TTPAL: variants seen among roughly 807,000 people sequenced by gnomAD.
The protein encoded by TTPAL is alpha-tocopherol transfer protein-like.
In TTPAL, 21 loss-of-function variants were observed where a neutral mutation model predicts 28.7. The observed-to-expected ratio is 0.73, with a 90% CI of 0.52 to 1.06. The LOEUF is 1.06. Among genes scored for constraint, TTPAL ranks in the 50% least tolerant of loss-of-function variants. TTPAL has a pLI of 0.00. For missense variants in TTPAL, 345 were observed against 425.5 expected (o/e 0.81, Z 1.67); for synonymous variants, 169 against 171.9 (o/e 0.98, Z 0.13).
chr20:44,477,246 G>C (rs1340107267), intron 1 of TTPAL, among the ~76,000 whole-genome samples: 1 of 152,160 alleles, frequency 6.6e-6, no homozygotes, highest in Non-Finnish European at 1.5e-5. Flanking sequence ...GGCATCTCTT[G>C]GTTACTTCCA....
intron 4 of TTPAL, among the ~76,000 whole-genome samples, chr20:44,487,460 T>C (rs2064162751): frequency 1.3e-5 from 2 of 152,122 alleles, no homozygotes; most frequent in Non-Finnish European, 2.9e-5. Flanking sequence ...GTCTCTAAAA[T>C]AAATTTTTTT....
chr20:44,489,163 T>G lies in TTPAL; in HGVS notation c.751-100T>G, dbSNP rs2064179694. 4 of 1,342,958 alleles carry G rather than the reference T, an allele frequency of 3.0e-6. No individual in the cohort carries two copies. The South Asian group carries it at 4.4e-5, about 15-fold the overall frequency. 83.2% of individuals were successfully genotyped at this position (1,342,958 alleles called of 1,614,324 possible). On this transcript the variant is annotated intron_variant, in intron 4 of 4. Transcript: ENST00000262605. ...AGAGTTGCCATTAACATTTCCTTTC[T>G]TCATTCAACAGATATTTATTTGAGC...
chr20:44,486,931 A>AT (rs1401556883), intron 4 of TTPAL, among the ~76,000 whole-genome samples: 3 of 152,222 alleles, frequency 2.0e-5, no homozygotes, highest in African/African-American at 4.8e-5. Flanking sequence ...GATTTTTATC[A>AT]TAAGAGCCTC....
chr20:44,485,651 A>C (rs1181709792), intron 3 of TTPAL, among the ~76,000 whole-genome samples: 1 of 152,204 alleles, frequency 6.6e-6, no homozygotes, highest in Non-Finnish European at 1.5e-5. Context: ...TCTGGCTTTG[A>C]GCCAACCCTG....
chr20:44,486,707 G>GT lies in TTPAL; in HGVS notation c.750+2dup, dbSNP rs2122897171. ...TCTAAAGGAGAAAATAGCAAACAGA[G>GT]TAAGTGATGATCCTATTGACTTCAG... On this transcript the variant is annotated splice_donor_variant, in intron 4 of 4. Transcript: ENST00000262605. LOFTEE classifies it high-confidence loss of function. 6.5e-7 allele frequency: 1 copy of GT among 1,542,832 alleles called. No individual in the cohort carries two copies. Among genetic ancestry groups the GT allele is most frequent in the East Asian group, 2.3e-5 (1 of 44,434 alleles).
Position 44,480,224 on chromosome 20 carries a change from C to A in TTPAL, c.225C>A (p.Ser75=). The A allele has an allele frequency of 6.2e-7, 1 of 1,614,150 alleles. No homozygotes were observed. The highest frequency in any genetic ancestry group is 8.5e-7 in the Non-Finnish European group (1 of 1,180,014). ...VRKEYPNLST[S]LDDAFLLRFL... ...AGGAGTACCCCAACCTGAGCACATCCCTCGACGATGCCTTCCTGCTGCGCT... is the reference window on the plus strand; with the variant it reads ...AGGAGTACCCCAACCTGAGCACATCACTCGACGATGCCTTCCTGCTGCGCT... The change falls in exon 2 of 5, where the codon TCC becomes TCA. Residue 75 remains serine, a synonymous_variant. Coordinates refer to ENST00000262605, the MANE Select transcript of TTPAL (RefSeq NM_001039199.3). The surrounding 1 kb of genome is among the most constrained non-coding windows in gnomAD (Gnocchi z 4.1).
At chr20:44,485,104 ACT>A (rs1256906597) in intron 3 of TTPAL, among the ~76,000 whole-genome samples, 13 of 151,848 alleles carry the variant, frequency 8.6e-5, no homozygotes, top group East Asian at 1.9e-4. Context: ...GAACAGCAAA[ACT>A]CTGTCTCAGA....
rs776713803 is a variant in TTPAL, at chr20:44,480,048, C to G, written c.49C>G (p.Leu17Val). 6.2e-7 allele frequency: 1 copy of G among 1,614,154 alleles called. No individual in the cohort carries two copies. Among genetic ancestry groups the G allele is most frequent in the Non-Finnish European group, 8.5e-7 (1 of 1,180,002 alleles). The change falls in exon 2 of 5, where the codon CTC becomes GTC. Residue 17 changes from leucine (L) to valine (V), a missense_variant. Coordinates refer to ENST00000262605, the MANE Select transcript of TTPAL (RefSeq NM_001039199.3). The surrounding 1 kb of genome is among the most constrained non-coding windows in gnomAD (Gnocchi z 4.1). ...SLRTSPSVAS[L>V]SENELPPPPE... Reference sequence around the variant, plus strand: ...GAGAACCAGCCCTTCTGTGGCCTCACTCTCTGAAAATGAGCTGCCACCACC... The same window carrying G: ...GAGAACCAGCCCTTCTGTGGCCTCAGTCTCTGAAAATGAGCTGCCACCACC...
At chr20:44,483,343 G>A (rs1397417806) in intron 2 of TTPAL, among the ~76,000 whole-genome samples, 1 of 152,158 alleles carries the variant, frequency 6.6e-6, no homozygotes, top group East Asian at 1.9e-4. Flanking sequence ...CAGCTCTCTT[G>A]CCTCATGGGG....
chr20:44,484,817 A>G (rs1445709273), intron 3 of TTPAL, among the ~76,000 whole-genome samples: 1 of 152,218 alleles, frequency 6.6e-6, no homozygotes, highest in Non-Finnish European at 1.5e-5. Flanking sequence ...AAGAATTCTC[A>G]TAACAAACAA....
At chr20:44,489,152 C>T in intron 4 of TTPAL, 111 bp from the exon 5 acceptor site, 1 of 1,253,396 alleles carries the variant, frequency 8.0e-7, no homozygotes, top group Non-Finnish European at 1.1e-6. Flanking sequence ...TTGCCATTAA[C>T]ATTTCCTTTC....
chr20:44,478,256 C>T (rs2064064424), intron 1 of TTPAL, among the ~76,000 whole-genome samples: 1 of 152,250 alleles, frequency 6.6e-6, no homozygotes, highest in Non-Finnish European at 1.5e-5. Flanking sequence ...TCAGGAAGAG[C>T]CACTGGCAGT....
chr20:44,488,477 C>T (rs2064173049), intron 4 of TTPAL, among the ~76,000 whole-genome samples: 1 of 152,018 alleles, frequency 6.6e-6, no homozygotes, highest in African/African-American at 2.4e-5. Flanking sequence ...AGACCAAAAC[C>T]CCTGCCCCTA....
intron 2 of TTPAL, among the ~76,000 whole-genome samples, chr20:44,482,865 G>A (rs1437452240): frequency 1.3e-5 from 2 of 151,976 alleles, no homozygotes; most frequent in African/African-American, 4.8e-5. Flanking sequence ...TCAAGACTCA[G>A]CTTTTTTTTT....
chr20:44,485,253 TG>T (rs1259876770), intron 3 of TTPAL, among the ~76,000 whole-genome samples: 1 of 152,104 alleles, frequency 6.6e-6, no homozygotes, highest in Non-Finnish European at 1.5e-5. Context: ...TCATGTTCTG[TG>T]TTTCAGAACA....
chr20:44,480,587 C>G lies in TTPAL; in HGVS notation c.445+143C>G. On this transcript the variant is annotated intron_variant, in intron 2 of 4. Transcript: ENST00000262605. The surrounding 1 kb of genome is among the most constrained non-coding windows in gnomAD (Gnocchi z 4.1). ...TCTTTTGATTGCAGATAACACAAAC[C>G]TACTCAAACCAACTTCAGAAAAAAG... 3.8e-6 allele frequency: 3 copies of G among 796,718 alleles called. No individual in the cohort carries two copies. The highest frequency in any genetic ancestry group is 5.8e-6 in the Non-Finnish European group (3 of 520,340). 49.4% of individuals were successfully genotyped at this position (796,718 alleles called of 1,614,324 possible).
At position 44,493,275 on chromosome 20, in the gene TTPAL, T is replaced by TC. The variant is rs2122995801; in HGVS notation, c.*3736dup. ...CTCCAGCCTGGGTGACGAGTGAAACTCCATCTCAAAAATAAAAATTGAAAA... is the reference window on the plus strand; with the variant it reads ...CTCCAGCCTGGGTGACGAGTGAAACTCCCATCTCAAAAATAAAAATTGAAAA... On this transcript the variant is annotated 3_prime_UTR_variant, in exon 5 of 5. Transcript: ENST00000262605. The TC allele has an allele frequency of 6.6e-6, 1 of 152,384 alleles. No individual in the cohort carries two copies. Among genetic ancestry groups the TC allele is most frequent in the Non-Finnish European group, 1.5e-5 (1 of 68,020 alleles). The allele number at this position is 152,384 out of a possible 1,614,324, so 9.4% of individuals were successfully genotyped here. A position where few individuals can be genotyped will look rare whatever the true frequency, so the allele number is the denominator to read the frequency against.
intron 2 of TTPAL, among the ~76,000 whole-genome samples, chr20:44,483,138 G>A (rs1052545399): frequency 3.9e-5 from 6 of 152,302 alleles, no homozygotes; most frequent in South Asian, 4.1e-4. Context: ...GATTCCAGGC[G>A]TGAGCCACCA....
At chr20:44,484,569 C>G in intron 3 of TTPAL, 39 bp downstream of exon 3, 3 of 1,481,170 alleles carry the variant, frequency 2.0e-6, no homozygotes, top group East Asian at 2.3e-5. Flanking sequence ...CGTGGTGGCT[C>G]TGGCTTTCCC....
Sources: gnomAD v4.1 joint callset for allele counts (sites outside exome capture counted in the v4.1 genomes callset) on GRCh38, gnomAD v4.1.1 for gene constraint, Gnocchi (gnomAD v3.1) non-coding constraint, MANE v1.5 for transcripts, NCBI Gene and HGNC (gene_info 2026-07-23, HGNC 2026-07-21) for gene names.